CDH13: variants seen among roughly 807,000 people sequenced by gnomAD.
CDH13 encodes the protein cadherin-13.
In CDH13, 24 loss-of-function variants were observed where a neutral mutation model predicts 63.8. That is an observed-to-expected ratio of 0.38 (90% CI 0.27 to 0.53). The LOEUF is 0.53. Ranked by LOEUF, CDH13 falls within the 20% of genes least tolerant of loss-of-function variation. The pLI is 0.85. For missense variants in CDH13, 1,049 were observed against 903.1 expected (o/e 1.16, Z -2.07); for synonymous variants, 503 against 355.3 (o/e 1.42, Z -4.67).
At chr16:83,645,821 G>T (rs970181800) in intron 8 of CDH13, among the ~76,000 whole-genome samples, 1 of 151,968 alleles carries the variant, frequency 6.6e-6, no homozygotes, top group Non-Finnish European at 1.5e-5. Flanking sequence ...GCACAGGCTT[G>T]GTTTGCTTAG....
At chr16:82,762,373 C>T (rs1230786548) in intron 1 of CDH13, among the ~76,000 whole-genome samples, 3 of 152,066 alleles carry the variant, frequency 2.0e-5, no homozygotes, top group Admixed American at 2.0e-4. Context: ...ACAAAATATA[C>T]CTGTGATTTT....
chr16:82,971,538 C>G (rs553305070), intron 2 of CDH13, among the ~76,000 whole-genome samples: 3 of 152,276 alleles, frequency 2.0e-5, no homozygotes, highest in South Asian at 2.1e-4. Flanking sequence ...GGCATCTAAC[C>G]CAGACCTCTG....
intron 1 of CDH13, among the ~76,000 whole-genome samples, chr16:82,695,280 A>C (rs565434371): frequency 1.3e-5 from 2 of 152,284 alleles, no homozygotes; most frequent in South Asian, 4.1e-4. Context: ...TGGTGTTTGG[A>C]TCTTTCTGAA....
At chr16:83,313,059 T>C (rs565828888) in intron 5 of CDH13, among the ~76,000 whole-genome samples, 82 of 152,334 alleles carry the variant, frequency 5.4e-4, no homozygotes, top group Middle Eastern at 6.8e-3. Flanking sequence ...GAATCTGCTG[T>C]AGAAAGGATT....
At chr16:82,647,262 G>A (rs1319598734) in intron 1 of CDH13, among the ~76,000 whole-genome samples, 1 of 152,204 alleles carries the variant, frequency 6.6e-6, no homozygotes, top group Non-Finnish European at 1.5e-5. Flanking sequence ...TCAGAAAATA[G>A]AAGCTGGATG....
intron 7 of CDH13, among the ~76,000 whole-genome samples, chr16:83,602,017 C>T (rs1198452977): frequency 2.9e-5 from 4 of 138,836 alleles, no homozygotes; most frequent in South Asian, 2.4e-4. Context: ...CGCTGGAACC[C>T]GGGAGGCGGA....
chr16:82,697,145 A>G (rs911372597), intron 1 of CDH13, among the ~76,000 whole-genome samples: 1 of 152,216 alleles, frequency 6.6e-6, no homozygotes, highest in Non-Finnish European at 1.5e-5. Context: ...CCACACTCAG[A>G]GGGAAGGGAA....
At chr16:83,330,703 G>T (rs1053697930) in intron 5 of CDH13, among the ~76,000 whole-genome samples, 5 of 152,174 alleles carry the variant, frequency 3.3e-5, no homozygotes, top group Non-Finnish European at 5.9e-5. Context: ...ACCTTCCTCA[G>T]ATTGCACTGG....
chr16:83,300,161 G>C (rs1189920614), intron 5 of CDH13, among the ~76,000 whole-genome samples: 2 of 152,168 alleles, frequency 1.3e-5, no homozygotes, highest in Middle Eastern at 3.2e-3. Context: ...GACCATCTTT[G>C]AAGTCAAGGA....
At position 82,897,016 on chromosome 16, in the gene CDH13, C is replaced by G. The variant is rs938699772; in HGVS notation, c.157+38543C>G. Reference sequence around the variant, plus strand: ...CAGGATGGTCTCAGTATCCTGACCTCGTGATTTCCTGCCTCGGCCTCCCAA... The same window carrying G: ...CAGGATGGTCTCAGTATCCTGACCTGGTGATTTCCTGCCTCGGCCTCCCAA... On this transcript the variant is annotated intron_variant, in intron 2 of 13. Transcript: ENST00000567109. Among the ~76,000 whole-genome samples the G allele has an allele frequency of 7.2e-5, 7 of 96,890 alleles. No individual in the cohort carries two copies. The South Asian group carries it at 1.1e-3, about 16-fold the overall frequency. 63.6% of individuals were successfully genotyped at this position (96,890 alleles called of 152,430 possible).
chr16:83,544,035 A>G (rs12935176), intron 7 of CDH13, among the ~76,000 whole-genome samples: 49,768 of 152,006 alleles, frequency 0.33, 9,284 homozygotes, highest in East Asian at 0.43. Flanking sequence ...TTCAATCACT[A>G]CTGCAGTATG....
chr16:83,256,371 A>G (rs973313230), intron 5 of CDH13, among the ~76,000 whole-genome samples: 1 of 152,160 alleles, frequency 6.6e-6, no homozygotes, highest in African/African-American at 2.4e-5. Context: ...TATTTACAAG[A>G]AATTAATTCC....
chr16:82,854,359 C>T (rs2039606138), intron 1 of CDH13, among the ~76,000 whole-genome samples: 1 of 143,638 alleles, frequency 7.0e-6, no homozygotes, highest in Non-Finnish European at 1.5e-5. Context: ...CAAGATCGTG[C>T]CACTGCACTC....
chr16:83,728,638 G>A (rs1195306167), intron 10 of CDH13, among the ~76,000 whole-genome samples: 1 of 152,128 alleles, frequency 6.6e-6, no homozygotes, highest in Non-Finnish European at 1.5e-5. Context: ...GGCCTTCAAA[G>A]CACTGTGCCC....
intron 10 of CDH13, among the ~76,000 whole-genome samples, chr16:83,703,925 T>G (rs1019749605): frequency 6.6e-6 from 1 of 152,160 alleles, no homozygotes; most frequent in African/African-American, 2.4e-5. Flanking sequence ...CTGCACAAAA[T>G]ATGTCATCTA....
intron 8 of CDH13, among the ~76,000 whole-genome samples, chr16:83,660,332 A>G (rs56890530): frequency 0.075 from 11,448 of 152,212 alleles, 697 homozygotes; most frequent in African/African-American, 0.17. Flanking sequence ...ATAGTAGACA[A>G]TGATAGATCA....
intron 8 of CDH13, among the ~76,000 whole-genome samples, chr16:83,606,474 G>C (rs369812292): frequency 5.9e-5 from 9 of 151,984 alleles, no homozygotes; most frequent in South Asian, 2.1e-4. Flanking sequence ...GTGGTGGCTC[G>C]TGTCTGTAAT....
chr16:83,327,152 T>C (rs1298828311), intron 5 of CDH13, among the ~76,000 whole-genome samples: 1 of 152,240 alleles, frequency 6.6e-6, no homozygotes, highest in African/African-American at 2.4e-5. Context: ...TATTAAGTTC[T>C]ACTTGCTTTA....
chr16:83,413,823 A>G (rs867223222), intron 6 of CDH13, among the ~76,000 whole-genome samples: 1 of 152,070 alleles, frequency 6.6e-6, no homozygotes, highest in African/African-American at 2.4e-5. Context: ...CCCCGTCTCT[A>G]CTAAAACTAC....
Sources: gnomAD v4.1 joint callset for allele counts (sites outside exome capture counted in the v4.1 genomes callset) on GRCh38, gnomAD v4.1.1 for gene constraint, MANE v1.5 for transcripts, NCBI Gene and HGNC (gene_info 2026-07-23, HGNC 2026-07-21) for gene names.